FARS2: variants seen among roughly 807,000 people sequenced by gnomAD.
FARS2 encodes phenylalanine--tRNA ligase, mitochondrial.
FARS2 carries 40 observed loss-of-function variants against 46.4 expected under a neutral mutation model. The observed-to-expected ratio is 0.86, with a 90% confidence interval of 0.67 to 1.12. The LOEUF (loss-of-function observed/expected upper bound fraction) is 1.12, where lower values mean the gene tolerates loss of function less well. FARS2 is among the 50% of genes most tolerant of loss of function. FARS2 has a pLI of 0.00. For synonymous variants in FARS2, 234 were observed against 214.9 expected, an observed-to-expected ratio of 1.09 and a Z score of -0.78; for missense variants, 513 against 567.9, an observed-to-expected ratio of 0.90 and a Z score of 0.98.
intron 4 of FARS2, among the ~76,000 whole-genome samples, chr6:5,466,280 A>G (rs565239067): frequency 2.8e-4 from 42 of 152,012 alleles, no homozygotes; most frequent in African/African-American, 9.4e-4. Flanking sequence ...CTCCTTTTCC[A>G]TTCCTATCCC....
At chr6:5,563,645 T>C (rs553136844) in intron 5 of FARS2, among the ~76,000 whole-genome samples, 91 of 152,220 alleles carry the variant, frequency 6.0e-4, no homozygotes, top group African/African-American at 2.1e-3. Flanking sequence ...CTGGGGTCGA[T>C]CTAAGGATCC....
chr6:5,581,911 G>A (rs868489059), intron 5 of FARS2, among the ~76,000 whole-genome samples: 3 of 150,868 alleles, frequency 2.0e-5, no homozygotes, highest in Admixed American at 6.6e-5. Context: ...TTCCTGATGC[G>A]CTTCTATAAA....
intron 6 of FARS2, among the ~76,000 whole-genome samples, chr6:5,634,954 C>T (rs1776472407): frequency 6.6e-6 from 1 of 152,138 alleles, no homozygotes; most frequent in African/African-American, 2.4e-5. Flanking sequence ...TTAATGTGTC[C>T]TGGAAGGAAT....
intron 4 of FARS2, among the ~76,000 whole-genome samples, chr6:5,443,103 T>C (rs1042389610): frequency 5.3e-5 from 8 of 152,234 alleles, no homozygotes; most frequent in African/African-American, 1.9e-4. Flanking sequence ...CCATTTAACT[T>C]TCCAGTTTCC....
chr6:5,421,674 A>G (rs914741949), intron 3 of FARS2, among the ~76,000 whole-genome samples: 1 of 152,204 alleles, frequency 6.6e-6, no homozygotes, highest in Non-Finnish European at 1.5e-5. Flanking sequence ...AGTTCCACAA[A>G]TCTCTAAAAC....
At chr6:5,383,193 A>G (rs1292710069) in intron 2 of FARS2, among the ~76,000 whole-genome samples, 1 of 152,186 alleles carries the variant, frequency 6.6e-6, no homozygotes, top group African/African-American at 2.4e-5. Context: ...GTTCTAATTT[A>G]TATGTTCTAT....
chr6:5,736,510 G>A (rs11243033), intron 6 of FARS2, among the ~76,000 whole-genome samples: 1 of 151,970 alleles, frequency 6.6e-6, no homozygotes, highest in Non-Finnish European at 1.5e-5. Flanking sequence ...AAAGACCAGC[G>A]CAAATAGGGC....
chr6:5,439,918 T>C (rs1763746237), intron 4 of FARS2, among the ~76,000 whole-genome samples: 1 of 152,168 alleles, frequency 6.6e-6, no homozygotes, highest in Admixed American at 6.5e-5. Context: ...TTAGTGCCCA[T>C]TCAGAAAAGC....
At chr6:5,456,771 G>A (rs1764906888) in intron 4 of FARS2, among the ~76,000 whole-genome samples, 1 of 148,554 alleles carries the variant, frequency 6.7e-6, no homozygotes, top group African/African-American at 2.5e-5. Context: ...GTCATTAGCA[G>A]GCAGGATTGA....
intron 4 of FARS2, among the ~76,000 whole-genome samples, chr6:5,529,315 T>G (rs1039684599): frequency 2.0e-5 from 3 of 152,126 alleles, no homozygotes; most frequent in Non-Finnish European, 2.9e-5. Flanking sequence ...CAGTAACTTT[T>G]TTTTCTTTTT....
chr6:5,409,028 T>A (rs76711912), intron 3 of FARS2, among the ~76,000 whole-genome samples: 9,320 of 152,310 alleles, frequency 0.061, 345 homozygotes, highest in East Asian at 0.11. Context: ...TTTTTTATAT[T>A]TGTATTTGCG....
intron 4 of FARS2, among the ~76,000 whole-genome samples, chr6:5,438,121 A>G (rs1028596790): frequency 6.6e-6 from 1 of 151,832 alleles, no homozygotes; most frequent in Non-Finnish European, 1.5e-5. Context: ...AGAGACATCC[A>G]TAATCTTTTC....
intron 1 of FARS2, among the ~76,000 whole-genome samples, chr6:5,304,529 C>T (rs1008404462): frequency 8.5e-5 from 13 of 152,128 alleles, no homozygotes; most frequent in Non-Finnish European, 1.6e-4. Context: ...GATTGCTTTC[C>T]AGAAGAGTGG....
chr6:5,432,327 AATAT>A lies in FARS2; in HGVS notation c.904+1176_904+1179del, dbSNP rs71530360. ...AACACTCAGTCTTAAAAAAAAAAAA[AATAT>A]ATATATATATATATATATATTATAT... On this transcript the variant is annotated intron_variant, in intron 4 of 6. Transcript: ENST00000274680. Among the ~76,000 whole-genome samples, 14 of 61,084 alleles carry A rather than the reference AATAT, an allele frequency of 2.3e-4. No homozygotes were observed. In the East Asian group the frequency reaches 2.9e-3, roughly 13 times the overall value. 40.1% of individuals were successfully genotyped at this position (61,084 alleles called of 152,430 possible). A position where few individuals can be genotyped will look rare whatever the true frequency, so the allele number is the denominator to read the frequency against.
At chr6:5,758,836 G>A (rs1762344551) in intron 6 of FARS2, among the ~76,000 whole-genome samples, 1 of 152,144 alleles carries the variant, frequency 6.6e-6, no homozygotes, top group Non-Finnish European at 1.5e-5. Context: ...ATGGGAAAGG[G>A]CTGTGTTGAG....
chr6:5,623,760 C>T (rs1007851712), intron 6 of FARS2, among the ~76,000 whole-genome samples: 2 of 151,918 alleles, frequency 1.3e-5, no homozygotes, highest in Non-Finnish European at 2.9e-5. Context: ...GGCATCGATG[C>T]TGGTCAGCAG....
At chr6:5,706,314 C>T (rs555704640) in intron 6 of FARS2, among the ~76,000 whole-genome samples, 11 of 152,294 alleles carry the variant, frequency 7.2e-5, no homozygotes, top group African/African-American at 1.9e-4. Context: ...GTCCACAGCC[C>T]GGGGGTGGGG....
At chr6:5,256,491 GAAAAAAAAAAAAAAAA>G (rs1161084364), upstream of FARS2, among the ~76,000 whole-genome samples, 4 of 43,860 alleles carry the variant, frequency 9.1e-5, no homozygotes, top group East Asian at 7.3e-4. Flanking sequence ...ATTTCAACTG[GAAAAAAAAAAAAAAAA>G]AAAAAAAAAA....
intron 4 of FARS2, among the ~76,000 whole-genome samples, chr6:5,534,982 A>G (rs935659531): frequency 4.7e-5 from 7 of 150,424 alleles, no homozygotes; most frequent in African/African-American, 1.7e-4. Flanking sequence ...TACATTCTCA[A>G]CAGCAATGCA....
Sources: gnomAD v4.1 joint callset for allele counts (sites outside exome capture counted in the v4.1 genomes callset) on GRCh38, gnomAD v4.1.1 for gene constraint, MANE v1.5 for transcripts, NCBI Gene and HGNC (gene_info 2026-07-23, HGNC 2026-07-21) for gene names.